SCN9A: variants seen among roughly 807,000 people sequenced by gnomAD.
SCN9A encodes the protein sodium voltage-gated channel alpha subunit 9.
A neutral mutation model predicts 187.0 loss-of-function variants in SCN9A; 131 were observed. The ratio of observed to expected loss-of-function variants is 0.70; its 90% CI spans 0.61 to 0.81. SCN9A has a LOEUF of 0.81. Ranked by LOEUF, SCN9A falls within the 30% of genes least tolerant of loss-of-function variation. The pLI, the probability that SCN9A is intolerant of heterozygous loss-of-function variation, is 0.00. For synonymous variants in SCN9A, 809 were observed against 808.6 expected (o/e 1.00, Z -0.01); for missense variants, 2,252 against 2,396.6 (o/e 0.94, Z 1.26).
chr2:166,326,150 G>T (rs574218497), intron 1 of SCN9A, among the ~76,000 whole-genome samples: 5 of 152,162 alleles, frequency 3.3e-5, no homozygotes, highest in Non-Finnish European at 2.9e-5. Context: ...CCTGGCCTCC[G>T]ATTGAATAAG....
chr2:166,288,088 T>C (rs1310814024), intron 10 of SCN9A, among the ~76,000 whole-genome samples: 1 of 83,172 alleles, frequency 1.2e-5, no homozygotes, highest in Non-Finnish European at 2.2e-5. Context: ...CATAGTTCCA[T>C]GTGTTTATAT....
intron 1 of SCN9A, among the ~76,000 whole-genome samples, chr2:166,374,171 G>A (rs1005255291): frequency 1.3e-5 from 2 of 152,126 alleles, no homozygotes; most frequent in African/African-American, 2.4e-5. Flanking sequence ...GAAGCATCAG[G>A]TACTCTGTGA....
At chr2:166,322,123 T>C (rs1054485112) in intron 1 of SCN9A, among the ~76,000 whole-genome samples, 4 of 152,206 alleles carry the variant, frequency 2.6e-5, no homozygotes, top group African/African-American at 4.8e-5. Flanking sequence ...GCCTAATAAC[T>C]AAAAATTTGT....
chr2:166,313,023 GTTA>G lies in SCN9A; in HGVS notation c.-50-1220_-50-1218del, dbSNP rs202219028. Among the ~76,000 whole-genome samples, 66 of 71,188 alleles carry G rather than the reference GTTA, an allele frequency of 9.3e-4. 5 individuals carry two copies. Among genetic ancestry groups the G allele is most frequent in the East Asian group, 5.2e-3 (14 of 2,706 alleles). The allele number at this position is 71,188 out of a possible 152,430, so 46.7% of individuals were successfully genotyped here. A position where few individuals can be genotyped will look rare whatever the true frequency, so the allele number is the denominator to read the frequency against. On this transcript the variant is annotated intron_variant, in intron 1 of 26. Transcript: ENST00000642356. ...ATTTTCTGAATAATTAAATAATATA[GTTA>G]TTATTTAATTTTCTGAATAGTAAAG...
chr2:166,302,324 C>T (rs970845319), intron 7 of SCN9A: 1 of 152,202 alleles, frequency 6.6e-6, no homozygotes, highest in Non-Finnish European at 1.5e-5. Flanking sequence ...GTTTAGAGAA[C>T]ATTCAATTCA....
intron 1 of SCN9A, among the ~76,000 whole-genome samples, chr2:166,317,840 C>T (rs1156681613): frequency 6.6e-6 from 1 of 152,048 alleles, no homozygotes; most frequent in Non-Finnish European, 1.5e-5. Flanking sequence ...TAGATAATAT[C>T]ACTAAAAACC....
At chr2:166,271,917 A>G (rs1366818978) in intron 17 of SCN9A, among the ~76,000 whole-genome samples, 2 of 152,142 alleles carry the variant, frequency 1.3e-5, no homozygotes, top group Non-Finnish European at 2.9e-5. Context: ...TCATGGATAC[A>G]TCATGAGAGT....
intron 24 of SCN9A, among the ~76,000 whole-genome samples, chr2:166,212,937 A>G (rs745869282): frequency 3.9e-5 from 6 of 152,204 alleles, no homozygotes; most frequent in Non-Finnish European, 7.4e-5. Flanking sequence ...ATCTTGAAAC[A>G]AACAAAAATG....
chr2:166,273,818 A>C (rs530976544), intron 16 of SCN9A, among the ~76,000 whole-genome samples: 1 of 152,272 alleles, frequency 6.6e-6, no homozygotes, highest in African/African-American at 2.4e-5. Flanking sequence ...TAAAAATCGA[A>C]GTAAGACCTA....
At chr2:166,299,501 T>G (rs1423950036) in intron 7 of SCN9A, among the ~76,000 whole-genome samples, 1 of 151,048 alleles carries the variant, frequency 6.6e-6, no homozygotes, top group Non-Finnish European at 1.5e-5. Flanking sequence ...TTTCTTCTCT[T>G]GGCTTCATTA....
At chr2:166,312,028 G>C (rs4131161) in intron 1 of SCN9A, among the ~76,000 whole-genome samples, 96,748 of 151,842 alleles carry the variant, frequency 0.64, 31,468 homozygotes, top group African/African-American at 0.75. Flanking sequence ...TGAAGTTTAC[G>C]CTTCATAGCT....
At position 166,284,783 on chromosome 2, in the gene SCN9A, T is replaced by C. The variant is rs777434948; in HGVS notation, c.1644A>G (p.Arg548=). Residue 548 remains arginine (R), a synonymous_variant, in exon 12 of 27, where the codon CGA becomes CGG. Coordinates refer to ENST00000642356, the MANE Select transcript of SCN9A (RefSeq NM_001365536.1). ...SIRGSLFSAR[R]SSRTSLFSFK... ...AACTAAAAAGACTTGTTCTGCTGCTTCGCCTTGCAGAAAACAAGGAGCCAC... is the reference window on the plus strand; with the variant it reads ...AACTAAAAAGACTTGTTCTGCTGCTCCGCCTTGCAGAAAACAAGGAGCCAC... The C allele has an allele frequency of 1.9e-6, 3 of 1,613,140 alleles. No homozygotes were observed. The South Asian group carries it at 3.3e-5, about 18-fold the overall frequency.
intron 1 of SCN9A, among the ~76,000 whole-genome samples, chr2:166,351,711 C>T (rs970269699): frequency 9.2e-5 from 14 of 152,156 alleles, no homozygotes; most frequent in Admixed American, 9.2e-4. Context: ...AGATTCACTA[C>T]ATCCAAGTCT....
At chr2:166,304,723 T>C (rs1415690474) in intron 5 of SCN9A, among the ~76,000 whole-genome samples, 1 of 152,062 alleles carries the variant, frequency 6.6e-6, no homozygotes, top group Admixed American at 6.6e-5. Context: ...GACAAATCCA[T>C]AGAGATAAAA....
chr2:166,345,374 A>T (rs1210927405), intron 1 of SCN9A, among the ~76,000 whole-genome samples: 5 of 152,160 alleles, frequency 3.3e-5, no homozygotes, highest in Non-Finnish European at 7.4e-5. Flanking sequence ...AACAATTAGA[A>T]CATGTTATTA....
At chr2:166,226,895 T>C (rs1052770511) in intron 23 of SCN9A, among the ~76,000 whole-genome samples, 191 bp from the exon 24 acceptor site, 2 of 152,122 alleles carry the variant, frequency 1.3e-5, no homozygotes, top group Non-Finnish European at 1.5e-5. Context: ...ACATACTTAT[T>C]ATTTAATTTA....
chr2:166,362,699 T>C (rs1351768108), intron 1 of SCN9A, among the ~76,000 whole-genome samples: 2 of 152,022 alleles, frequency 1.3e-5, no homozygotes, highest in East Asian at 1.9e-4. Flanking sequence ...TGATCAAATT[T>C]ATATTCCAGA....
intron 1 of SCN9A, among the ~76,000 whole-genome samples, chr2:166,346,121 A>C (rs1407471084): frequency 2.0e-5 from 3 of 152,150 alleles, no homozygotes; most frequent in Non-Finnish European, 4.4e-5. Context: ...AATTTGTATT[A>C]CCACTTCGTG....
rs374422379 is a variant in SCN9A at position 166,204,272 on chromosome 2, G to A, written c.4504-47C>T. On this transcript the variant is annotated intron_variant, in intron 25 of 26. Coordinates refer to ENST00000642356, the MANE Select transcript of SCN9A (RefSeq NM_001365536.1). ...ATCGAATGCAGAGTAAACTTTTCAAGTATTATCCAGAAATTAAAGATGTGC... is the reference window on the plus strand; with the variant it reads ...ATCGAATGCAGAGTAAACTTTTCAAATATTATCCAGAAATTAAAGATGTGC... The A allele has an allele frequency of 1.9e-6, 3 of 1,576,406 alleles. No homozygotes were observed. The African/African-American group carries it at 4.1e-5, about 21-fold the overall frequency.
Sources: allele counts gnomAD v4.1 joint callset (sites outside exome capture counted in the v4.1 genomes callset), GRCh38; gene constraint gnomAD v4.1.1; transcripts MANE v1.5; gene names NCBI Gene and HGNC (gene_info 2026-07-23, HGNC 2026-07-21).